The following KIAA2012 variants were observed in gnomAD, a reference collection of about 807,000 sequenced individuals.
KIAA2012 encodes the protein KIAA2012.
A neutral mutation model predicts 150.6 loss-of-function variants in KIAA2012; 125 were observed. The observed-to-expected ratio is 0.83, with a 90% CI of 0.72 to 0.96. KIAA2012 has a LOEUF of 0.96. Ranked by LOEUF, KIAA2012 falls within the 40% of genes least tolerant of loss-of-function variation. KIAA2012 has a pLI of 0.00. For synonymous variants in KIAA2012, 462 were observed against 504.7 expected (o/e 0.92, Z 1.13); for missense variants, 1,219 against 1,354.9 (o/e 0.90, Z 1.57).
intron 15 of KIAA2012, among the ~76,000 whole-genome samples, chr2:202,170,248 A>T (rs1309314270): frequency 6.6e-6 from 1 of 152,222 alleles, no homozygotes; most frequent in African/African-American, 2.4e-5. Context: ...GTTCTCTGGC[A>T]TGGCATGAGG....
intron 13 of KIAA2012, among the ~76,000 whole-genome samples, chr2:202,144,347 A>G (rs1348673089): frequency 2.0e-5 from 3 of 152,146 alleles, no homozygotes; most frequent in Non-Finnish European, 4.4e-5. Flanking sequence ...AATCTTATGT[A>G]TCCTAAGTGT....
At chr2:202,107,736 G>A (rs575538531) in intron 9 of KIAA2012, among the ~76,000 whole-genome samples, 3 of 152,256 alleles carry the variant, frequency 2.0e-5, no homozygotes, top group South Asian at 4.1e-4. Context: ...CCAGCTGGGC[G>A]CAGTGGCTCA....
chr2:202,190,204 A>T lies in KIAA2012; in HGVS notation c.2522A>T (p.Lys841Ile). ...GKSKDSKAKK[K>I]LEKKTRPQRK... Reference sequence around the variant, plus strand: ...TCAAAGGACTCAAAGGCTAAAAAAAAATTAGAAAAAAAAACAAGACCCCAA... The same window carrying T: ...TCAAAGGACTCAAAGGCTAAAAAAATATTAGAAAAAAAAACAAGACCCCAA... Residue 841 changes from lysine (K) to isoleucine (I), a missense_variant, in exon 19 of 24, where the codon AAA becomes ATA. Transcript: ENST00000498697. 6.6e-7 allele frequency: 1 copy of T among 1,521,264 alleles called. No individual in the cohort carries two copies. Among genetic ancestry groups the T allele is most frequent in the Non-Finnish European group, 8.8e-7 (1 of 1,139,872 alleles). The allele number at this position is 1,521,264 out of a possible 1,614,324, so 94.2% of individuals were successfully genotyped here. A position where few individuals can be genotyped will look rare whatever the true frequency, so the allele number is the denominator to read the frequency against.
chr2:202,170,617 G>A, intron 15 of KIAA2012, among the ~76,000 whole-genome samples: 1 of 152,248 alleles, frequency 6.6e-6, no homozygotes, highest in East Asian at 1.9e-4. Context: ...GACAGCTCCA[G>A]TGAGTGGAGT....
chr2:202,155,854 C>T (rs575987732), intron 14 of KIAA2012, among the ~76,000 whole-genome samples: 2 of 152,250 alleles, frequency 1.3e-5, no homozygotes, highest in Non-Finnish European at 2.9e-5. Flanking sequence ...CTCTGCTTTT[C>T]GGGGCTTCCT....
At chr2:202,154,599 G>A in intron 13 of KIAA2012, 74 bp from the exon 14 acceptor site, 1 of 1,309,974 alleles carries the variant, frequency 7.6e-7, no homozygotes, top group Non-Finnish European at 1.0e-6. Flanking sequence ...GTAAATATTT[G>A]GGGATTTGGA....
intron 15 of KIAA2012, among the ~76,000 whole-genome samples, chr2:202,170,467 C>G (rs913292729): frequency 6.6e-6 from 1 of 152,128 alleles, no homozygotes; most frequent in Non-Finnish European, 1.5e-5. Context: ...CTTTAACCAC[C>G]GACTGCATGA....
intron 19 of KIAA2012, 34 bp downstream of exon 19, chr2:202,190,527 G>T: frequency 7.0e-7 from 1 of 1,427,756 alleles, no homozygotes; most frequent in Non-Finnish European, 9.3e-7. Flanking sequence ...GACAGAGGAA[G>T]TTCTGTTCTC....
intron 13 of KIAA2012, among the ~76,000 whole-genome samples, chr2:202,140,038 G>A (rs544078022): frequency 7.2e-5 from 11 of 152,250 alleles, no homozygotes; most frequent in East Asian, 3.9e-4. Context: ...GACCAGCCTG[G>A]CCAACATGGT....
intron 13 of KIAA2012, among the ~76,000 whole-genome samples, chr2:202,143,792 C>T (rs1251903924): frequency 6.6e-6 from 1 of 152,144 alleles, no homozygotes; most frequent in Non-Finnish European, 1.5e-5. Context: ...TGAATAGAGT[C>T]ATCAGCATTC....
At chr2:202,162,640 A>C (rs896811749) in intron 14 of KIAA2012, among the ~76,000 whole-genome samples, 1 of 146,806 alleles carries the variant, frequency 6.8e-6, no homozygotes, top group African/African-American at 2.5e-5. Context: ...ATTCATAAAG[A>C]GATGCTTGTA....
chr2:202,073,909 G>A (rs1689263522), intron 1 of KIAA2012, among the ~76,000 whole-genome samples, 198 bp downstream of exon 1: 1 of 151,652 alleles, frequency 6.6e-6, no homozygotes, highest in Non-Finnish European at 1.5e-5. Flanking sequence ...TTGCCCCTGA[G>A]GCCCTCATCT....
At chr2:202,091,778 T>C (rs976195719) in intron 3 of KIAA2012, among the ~76,000 whole-genome samples, 4 of 152,248 alleles carry the variant, frequency 2.6e-5, no homozygotes, top group Admixed American at 6.5e-5. Context: ...CCCACTCGGC[T>C]GTTTGCCATT....
intron 7 of KIAA2012, 96 bp from the exon 8 acceptor site, chr2:202,102,850 G>A: frequency 9.2e-6 from 11 of 1,200,156 alleles, no homozygotes; most frequent in Non-Finnish European, 1.3e-5. Flanking sequence ...GCAGCTCCTG[G>A]TGCAAGAGAT....
At chr2:202,131,015 C>G (rs1559214769) in intron 12 of KIAA2012, among the ~76,000 whole-genome samples, 1 of 152,246 alleles carries the variant, frequency 6.6e-6, no homozygotes, top group East Asian at 1.9e-4. Flanking sequence ...TTGCTCCTTT[C>G]ATACATCTCT....
chr2:202,098,822 ACG>A (rs147687356), intron 5 of KIAA2012, among the ~76,000 whole-genome samples: 23,995 of 110,538 alleles, frequency 0.22, 2,291 homozygotes, highest in Middle Eastern at 0.26. Context: ...GTGTGTGTGC[ACG>A]CGCGCGCGCG....
At chr2:202,162,668 C>T (rs1326260415) in intron 14 of KIAA2012, among the ~76,000 whole-genome samples, 1 of 150,068 alleles carries the variant, frequency 6.7e-6, no homozygotes, top group Non-Finnish European at 1.5e-5. Context: ...CGCAGTGGCT[C>T]ACGCCTGTAA....
At chr2:202,149,045 A>G (rs1691365171) in intron 13 of KIAA2012, among the ~76,000 whole-genome samples, 1 of 152,196 alleles carries the variant, frequency 6.6e-6, no homozygotes, top group Non-Finnish European at 1.5e-5. Flanking sequence ...GAAAGTTGCC[A>G]GGCCCTTTGC....
At chr2:202,122,981 A>G (rs746346516) in intron 11 of KIAA2012, among the ~76,000 whole-genome samples, 2 of 152,162 alleles carry the variant, frequency 1.3e-5, no homozygotes, top group Non-Finnish European at 2.9e-5. Flanking sequence ...AGCCAAGTCA[A>G]AAGTCCCACC....
Sources: gnomAD v4.1 joint callset for allele counts (sites outside exome capture counted in the v4.1 genomes callset) on GRCh38, gnomAD v4.1.1 for gene constraint, MANE v1.5 for transcripts, NCBI Gene and HGNC (gene_info 2026-07-23, HGNC 2026-07-21) for gene names.